The following RAB30 variants were observed in gnomAD, a reference collection of about 807,000 sequenced individuals.
RAB30 encodes RAB30, member RAS oncogene family, also known as ras-related protein Rab-30.
A neutral mutation model predicts 25.1 loss-of-function variants in RAB30; 9 were observed. The observed-to-expected ratio is 0.36, with a 90% CI of 0.22 to 0.63. The LOEUF (loss-of-function observed/expected upper bound fraction) is 0.63. Ranked by LOEUF, RAB30 falls within the 20% of genes least tolerant of loss-of-function variation. The pLI, the probability that RAB30 is intolerant of heterozygous loss-of-function variation, is 0.69. For missense variants in RAB30, 140 were observed against 243.5 expected, an observed-to-expected ratio of 0.58 and a Z score of 2.83; for synonymous variants, 77 against 86.4, an observed-to-expected ratio of 0.89 and a Z score of 0.60.
At chr11:83,065,327 T>C (rs1358553925) in intron 1 of RAB30, among the ~76,000 whole-genome samples, 1 of 151,846 alleles carries the variant, frequency 6.6e-6, no homozygotes, top group East Asian at 1.9e-4. Context: ...GAGGTAGAGG[T>C]TGCAGTGAGC....
chr11:82,982,519 G>C, intron 4 of RAB30, 104 bp from the exon 5 acceptor site: 1 of 1,242,142 alleles, frequency 8.1e-7, no homozygotes, highest in South Asian at 1.4e-5. Flanking sequence ...AGACAGATGG[G>C]CGAGTAAAAC....
At chr11:83,040,192 C>T (rs1858076315) in intron 1 of RAB30, among the ~76,000 whole-genome samples, 1 of 152,180 alleles carries the variant, frequency 6.6e-6, no homozygotes, top group Non-Finnish European at 1.5e-5. Flanking sequence ...TCACCTTCTG[C>T]TCTAAGACAG....
intron 1 of RAB30, among the ~76,000 whole-genome samples, chr11:83,011,778 T>C (rs1412107282): frequency 6.6e-6 from 1 of 152,156 alleles, no homozygotes; most frequent in Non-Finnish European, 1.5e-5. Flanking sequence ...CTCTGGTAGC[T>C]GGGCAGCAGC....
chr11:83,028,358 G>A (rs1389629120), intron 1 of RAB30, among the ~76,000 whole-genome samples: 1 of 152,064 alleles, frequency 6.6e-6, no homozygotes, highest in Non-Finnish European at 1.5e-5. Flanking sequence ...AGTACAGGAG[G>A]GGTCCTATAT....
chr11:82,983,070 G>A (rs1232834117), intron 4 of RAB30, among the ~76,000 whole-genome samples: 7 of 150,624 alleles, frequency 4.6e-5, no homozygotes, highest in South Asian at 2.1e-4. Context: ...AAAAAAAAGC[G>A]AAGCAGAAAA....
intron 1 of RAB30, among the ~76,000 whole-genome samples, chr11:83,062,827 C>A (rs1858612610): frequency 6.6e-6 from 1 of 151,862 alleles, no homozygotes; most frequent in South Asian, 2.1e-4. Context: ...AAGGCGGAAC[C>A]CCATCTCTAC....
chr11:83,029,400 T>TATG (rs752730099), intron 1 of RAB30, among the ~76,000 whole-genome samples: 1 of 151,664 alleles, frequency 6.6e-6, no homozygotes, highest in Non-Finnish European at 1.5e-5. Context: ...AATATTTTAT[T>TATG]ATTATTATTA....
chr11:83,020,835 G>A (rs1857558953), intron 1 of RAB30, among the ~76,000 whole-genome samples: 1 of 152,120 alleles, frequency 6.6e-6, no homozygotes, highest in Non-Finnish European at 1.5e-5. Context: ...TGCTTGTAGA[G>A]TGGAGCCACT....
At chr11:83,004,406 A>T (rs1181557575) in intron 1 of RAB30, among the ~76,000 whole-genome samples, 1 of 152,202 alleles carries the variant, frequency 6.6e-6, no homozygotes, top group African/African-American at 2.4e-5. Flanking sequence ...AATGAACTGG[A>T]CATCCCATCT....
At chr11:82,987,904 CTAAAAAAA>C in intron 3 of RAB30, 134 bp from the exon 4 acceptor site, 1 of 81,854 alleles carries the variant, frequency 1.2e-5, no homozygotes, top group Admixed American at 2.0e-4. Flanking sequence ...ATTTTCTGCC[CTAAAAAAA>C]AAAAAAAAAA....
At chr11:83,042,248 T>G (rs1375124391) in intron 1 of RAB30, among the ~76,000 whole-genome samples, 1 of 151,918 alleles carries the variant, frequency 6.6e-6, no homozygotes, top group African/African-American at 2.4e-5. Flanking sequence ...TAACACCAAA[T>G]GTCGAGACTT....
chr11:83,013,386 G>A (rs887126616), intron 1 of RAB30, among the ~76,000 whole-genome samples: 4 of 152,112 alleles, frequency 2.6e-5, no homozygotes, highest in Non-Finnish European at 5.9e-5. Flanking sequence ...CGCCTGGCCA[G>A]ACACTTTATT....
At chr11:83,007,052 G>A (rs769335657) in intron 1 of RAB30, among the ~76,000 whole-genome samples, 11 of 152,178 alleles carry the variant, frequency 7.2e-5, no homozygotes, top group Non-Finnish European at 1.3e-4. Flanking sequence ...GAAGCAGAAG[G>A]AGCTCATCTT....
chr11:82,999,548 A>G (rs759929702), intron 1 of RAB30, among the ~76,000 whole-genome samples: 8 of 152,086 alleles, frequency 5.3e-5, no homozygotes, highest in Non-Finnish European at 1.0e-4. Context: ...AGGATTCTCA[A>G]ATTTTCCATG....
At chr11:83,009,313 G>A (rs565817237) in intron 1 of RAB30, among the ~76,000 whole-genome samples, 21 of 152,254 alleles carry the variant, frequency 1.4e-4, no homozygotes, top group Non-Finnish European at 2.1e-4. Context: ...CAATCCGCCC[G>A]CCTCGGCCTC....
chr11:83,056,990 T>C (rs2121519698), intron 1 of RAB30, among the ~76,000 whole-genome samples: 1 of 152,214 alleles, frequency 6.6e-6, no homozygotes, highest in South Asian at 2.1e-4. Flanking sequence ...CAGGTAATAG[T>C]CAAAAAAGGA....
intron 1 of RAB30, among the ~76,000 whole-genome samples, chr11:83,013,060 CTTTT>C (rs1857338944): frequency 6.6e-6 from 1 of 151,908 alleles, no homozygotes; most frequent in African/African-American, 2.4e-5. Flanking sequence ...TCCATAGACA[CTTTT>C]TTTTAAAATT....
At chr11:83,016,447 G>C (rs763618933) in intron 1 of RAB30, among the ~76,000 whole-genome samples, 1 of 152,128 alleles carries the variant, frequency 6.6e-6, no homozygotes, top group Non-Finnish European at 1.5e-5. Context: ...AATTTGGGAA[G>C]GTTGGTTTCT....
intron 1 of RAB30, among the ~76,000 whole-genome samples, chr11:83,012,197 C>G (rs1281639302): frequency 2.0e-5 from 3 of 152,224 alleles, no homozygotes; most frequent in African/African-American, 7.2e-5. Context: ...TACGCCACCA[C>G]TAGCATAGCA....
Sources: gnomAD v4.1 joint callset for allele counts (sites outside exome capture counted in the v4.1 genomes callset) on GRCh38, gnomAD v4.1.1 for gene constraint, MANE v1.5 for transcripts, NCBI Gene and HGNC (gene_info 2026-07-23, HGNC 2026-07-21) for gene names.